Variants in VPS33A observed in about 807,000 individuals in gnomAD.
VPS33A encodes VPS33A core subunit of CORVET and HOPS complexes.
Under a neutral mutation model 71.8 loss-of-function variants are expected in VPS33A, and 32 were observed. That is an observed-to-expected ratio of 0.45 (90% CI 0.34 to 0.60). The LOEUF is 0.60. VPS33A is among the 20% of genes least tolerant of loss of function. The probability of loss-of-function intolerance (pLI) is 0.02; values close to 1 mark genes in which losing one functional copy is unlikely to be tolerated. For synonymous variants in VPS33A, 311 were observed against 292.7 expected (o/e 1.06, Z -0.64); for missense variants, 625 against 748.5 (o/e 0.84, Z 1.92).
chr12:122,240,204 C>T (rs964641179), intron 8 of VPS33A, among the ~76,000 whole-genome samples: 1 of 151,742 alleles, frequency 6.6e-6, no homozygotes, highest in East Asian at 1.9e-4. Flanking sequence ...GGCACACACC[C>T]GTAGTCCCAG....
Position 122,239,872 on chromosome 12 carries a change from A to G in VPS33A, c.1164+6T>C. ...ACTTGTTAAAGAGGTTTTTTTGTCC[A>G]CATACCTTATCAGTGTCTATTCCAG... On this transcript the variant is annotated splice_donor_region_variant and intron_variant, in intron 9 of 12. Transcript: ENST00000267199. 6.2e-7 allele frequency: 1 copy of G among 1,608,106 alleles called. No homozygotes were observed. Among genetic ancestry groups the G allele is most frequent in the Middle Eastern group, 1.7e-4 (1 of 6,046 alleles).
rs1019528264 is a variant in VPS33A, at chr12:122,231,038, A to G, written c.*1208T>C. On this transcript the variant is annotated 3_prime_UTR_variant, in exon 13 of 13. Transcript: ENST00000267199. ...AGTACACGTGGCAGTTACCATGGAA[A>G]CGAAGTGGCCAGATGCTGAAGAAGC... is the stretch of plus-strand genomic sequence containing the variant. 3 of 152,288 alleles carry G rather than the reference A, an allele frequency of 2.0e-5. No individual in the cohort carries two copies. Among genetic ancestry groups the G allele is most frequent in the African/African-American group, 7.2e-5 (3 of 41,460 alleles). 9.4% of individuals were successfully genotyped at this position (152,288 alleles called of 1,614,324 possible). A position where few individuals can be genotyped will look rare whatever the true frequency, so the allele number is the denominator to read the frequency against.
At chr12:122,266,192 C>A in intron 1 of VPS33A, 115 bp downstream of exon 1, 1 of 1,438,878 alleles carries the variant, frequency 6.9e-7, no homozygotes. Context: ...CTGAGGCTCG[C>A]CTCCTTGGAA....
intron 6 of VPS33A, among the ~76,000 whole-genome samples, chr12:122,245,214 A>T (rs1954761690): frequency 1.3e-5 from 2 of 152,248 alleles, no homozygotes; most frequent in Admixed American, 6.5e-5. Context: ...TAGAAAATAC[A>T]AAAGCTTATC....
rs151130952 is a variant in VPS33A at position 122,258,737 on chromosome 12, T to C, written c.483+2524A>G. On this transcript the variant is annotated intron_variant, in intron 4 of 12. Transcript: ENST00000267199. ...GGCTCACGCCTGTAATCGCAGCACT[T>C]TGGGAGGCTGAGATAGGTGGATCAC... Among the ~76,000 whole-genome samples the C allele has an allele frequency of 2.7e-3, 403 of 151,966 alleles. 3 individuals carry two copies. The highest frequency in any genetic ancestry group is 9.2e-3 in the African/African-American group (380 of 41,402).
rs778789490 is a variant in VPS33A at position 122,235,772 on chromosome 12, G to C, written c.1440+14C>G. The C allele has an allele frequency of 6.2e-6, 10 of 1,606,338 alleles. No individual in the cohort carries two copies. ...AGTCCCTAAGCTGAGACGAGGTGGA[G>C]AAGTGTGGCTTACTTGCTCATTAAC... On this transcript the variant is annotated intron_variant, in intron 11 of 12. Coordinates refer to ENST00000267199, the MANE Select transcript of VPS33A (RefSeq NM_022916.6).
intron 4 of VPS33A, among the ~76,000 whole-genome samples, chr12:122,256,063 T>C (rs1193156141): frequency 6.6e-6 from 1 of 152,158 alleles, no homozygotes; most frequent in Non-Finnish European, 1.5e-5. Flanking sequence ...CCCAAAGTGC[T>C]GGGATTACGG....
chr12:122,263,510 T>C, intron 3 of VPS33A, 62 bp downstream of exon 3: 1 of 1,498,274 alleles, frequency 6.7e-7, no homozygotes, highest in South Asian at 1.4e-5. Context: ...GAGAAGGAGC[T>C]CATAAATTAA....
rs138156174 is a variant in VPS33A, at chr12:122,231,008, A to C, written c.*1238T>G. 23 of 152,278 alleles carry C rather than the reference A, an allele frequency of 1.5e-4. No homozygotes were observed. Among genetic ancestry groups the C allele is most frequent in the African/African-American group, 5.3e-4 (22 of 41,466 alleles). The allele number at this position is 152,278 out of a possible 1,614,324, so 9.4% of individuals were successfully genotyped here. Reference sequence around the variant, plus strand: ...GAGTACGGAGTGGCCACAGACTGCTAGAAAAGTACACGTGGCAGTTACCAT... The same window carrying C: ...GAGTACGGAGTGGCCACAGACTGCTCGAAAAGTACACGTGGCAGTTACCAT... On this transcript the variant is annotated 3_prime_UTR_variant, in exon 13 of 13. Coordinates refer to ENST00000267199, the MANE Select transcript of VPS33A (RefSeq NM_022916.6).
At chr12:122,258,321 A>C (rs912410301) in intron 4 of VPS33A, among the ~76,000 whole-genome samples, 1 of 152,142 alleles carries the variant, frequency 6.6e-6, no homozygotes, top group Non-Finnish European at 1.5e-5. Context: ...TGATACTGAA[A>C]GCACAAGTAA....
intron 4 of VPS33A, among the ~76,000 whole-genome samples, chr12:122,254,789 C>T (rs1954893842): frequency 1.3e-5 from 2 of 152,044 alleles, no homozygotes; most frequent in African/African-American, 2.4e-5. Context: ...CGGTGGCTCA[C>T]GCCTGTAATC....
At chr12:122,250,355 A>T (rs550113381) in intron 5 of VPS33A, among the ~76,000 whole-genome samples, 34 of 152,328 alleles carry the variant, frequency 2.2e-4, no homozygotes, top group African/African-American at 7.5e-4. Context: ...TGTTCCTAGG[A>T]GAAACGCAGA....
chr12:122,266,281 C>G, intron 1 of VPS33A, 26 bp downstream of exon 1: 1 of 1,603,474 alleles, frequency 6.2e-7, no homozygotes, highest in Middle Eastern at 1.7e-4. Flanking sequence ...GAGGCGAGGG[C>G]GGTGTCGCTG....
At chr12:122,238,764 TATACATACAC>T (rs1954665098) in intron 9 of VPS33A, 40 bp from the exon 10 acceptor site, 2 of 1,434,170 alleles carry the variant, frequency 1.4e-6, no homozygotes, top group Non-Finnish European at 9.6e-7. Flanking sequence ...TACATTTACA[TATACATACAC>T]ACACACACAC....
chr12:122,232,832 C>T lies in VPS33A; in HGVS notation c.1577G>A (p.Arg526Gln), dbSNP rs1421514458. The change falls in exon 12 of 13, where the codon CGG (arginine) becomes CAG (glutamine). Residue 526 changes from arginine (R) to glutamine (Q), a missense_variant. By Grantham distance (43) the Arg-to-Gln change is conservative. Coordinates refer to ENST00000267199, the MANE Select transcript of VPS33A (RefSeq NM_022916.6). ...RILPGPHFEERQPLPTGLQKK... is the reference protein window; with the variant it reads ...RILPGPHFEEQQPLPTGLQKK... Reference sequence around the variant, plus strand: ...CTGCAGTCCTGTGGGCAGTGGCTGCCGCTCCTCAAAGTGGGGCCCTGGGAG... The same window carrying T: ...CTGCAGTCCTGTGGGCAGTGGCTGCTGCTCCTCAAAGTGGGGCCCTGGGAG... The T allele has an allele frequency of 2.5e-6, 4 of 1,613,760 alleles. No individual in the cohort carries two copies. Among genetic ancestry groups the T allele is most frequent in the Middle Eastern group, 1.6e-4 (1 of 6,076 alleles).
chr12:122,238,770 T>TACACACACACACACACACACACAC lies in VPS33A; in HGVS notation c.1165-70_1165-47dup, dbSNP rs57522920. 1.1e-5 allele frequency: 9 copies of TACACACACACACACACACACACAC among 830,676 alleles called. No individual in the cohort carries two copies. The African/African-American group carries it at 1.8e-4, about 16-fold the overall frequency. The allele number at this position is 830,676 out of a possible 1,614,324, so 51.5% of individuals were successfully genotyped here. A position where few individuals can be genotyped will look rare whatever the true frequency, so the allele number is the denominator to read the frequency against. ...ATATACATATACATTTACATATACA[T>TACACACACACACACACACACACAC]ACACACACACACACACACACACACA... On this transcript the variant is annotated intron_variant, in intron 9 of 12. Coordinates refer to ENST00000267199, the MANE Select transcript of VPS33A (RefSeq NM_022916.6).
At chr12:122,238,341 C>T (rs1954657930) in intron 10 of VPS33A, among the ~76,000 whole-genome samples, 1 of 152,138 alleles carries the variant, frequency 6.6e-6, no homozygotes, top group Non-Finnish European at 1.5e-5. Flanking sequence ...CTGCCTGATC[C>T]TCTCAAATAG....
intron 4 of VPS33A, among the ~76,000 whole-genome samples, chr12:122,257,192 C>T (rs770301923): frequency 6.6e-6 from 1 of 151,786 alleles, no homozygotes; most frequent in Non-Finnish European, 1.5e-5. Context: ...TTTCAGAGGC[C>T]GAGGCAGGTG....
intron 8 of VPS33A, 29 bp from the exon 9 acceptor site, chr12:122,239,974 T>C: frequency 5.2e-6 from 8 of 1,531,184 alleles, no homozygotes; most frequent in Non-Finnish European, 7.2e-6. Flanking sequence ...ATTTGCAACT[T>C]AGAAATTAAA....
Sources: allele counts gnomAD v4.1 joint callset (sites outside exome capture counted in the v4.1 genomes callset), GRCh38; gene constraint gnomAD v4.1.1; transcripts MANE v1.5; gene names NCBI Gene and HGNC (gene_info 2026-07-23, HGNC 2026-07-21).